The following ETV6 variants were observed in gnomAD, a reference collection of about 807,000 sequenced individuals.
ETV6 encodes ETS variant transcription factor 6.
Under a neutral mutation model 51.1 loss-of-function variants are expected in ETV6, and 16 were observed. The ratio of observed to expected loss-of-function variants is 0.31; its 90% CI spans 0.21 to 0.48. The LOEUF (loss-of-function observed/expected upper bound fraction) is 0.48. ETV6 is among the 20% of genes least tolerant of loss of function. The pLI is 0.99. For missense variants in ETV6, 458 were observed against 594.8 expected (o/e 0.77, Z 2.39); for synonymous variants, 240 against 224.1 (o/e 1.07, Z -0.64).
At chr12:11,767,041 G>T (rs900729182) in intron 2 of ETV6, among the ~76,000 whole-genome samples, 1 of 152,176 alleles carries the variant, frequency 6.6e-6, no homozygotes, top group East Asian at 1.9e-4. Flanking sequence ...TAATGGAACA[G>T]GCTAGGAGAA....
chr12:11,689,929 A>C (rs1306839248), intron 1 of ETV6, among the ~76,000 whole-genome samples: 1 of 151,574 alleles, frequency 6.6e-6, no homozygotes, highest in Non-Finnish European at 1.5e-5. Flanking sequence ...TTCTAGCAGA[A>C]GATAGAACTG....
chr12:11,697,335 A>C (rs1237219647), intron 1 of ETV6, among the ~76,000 whole-genome samples: 1 of 152,220 alleles, frequency 6.6e-6, no homozygotes, highest in Non-Finnish European at 1.5e-5. Context: ...GGAGGTACTT[A>C]GCAGAGGCTG....
At chr12:11,760,195 C>A (rs1229349040) in intron 2 of ETV6, among the ~76,000 whole-genome samples, 3 of 152,204 alleles carry the variant, frequency 2.0e-5, no homozygotes, top group African/African-American at 7.2e-5. Flanking sequence ...AGTCACACTG[C>A]CCCAATATTT....
intron 2 of ETV6, among the ~76,000 whole-genome samples, chr12:11,787,627 CAG>C (rs60740589): frequency 0.036 from 5,520 of 152,082 alleles, 329 homozygotes; most frequent in African/African-American, 0.12. Context: ...TAAGGTGGGT[CAG>C]AGAGGTTAGG....
At chr12:11,820,371 T>C (rs956844103) in intron 2 of ETV6, among the ~76,000 whole-genome samples, 2 of 152,120 alleles carry the variant, frequency 1.3e-5, no homozygotes, top group Non-Finnish European at 2.9e-5. Context: ...CAAACAAAGG[T>C]CCGTTCACAT....
At chr12:11,776,031 G>T (rs1362809210) in intron 2 of ETV6, among the ~76,000 whole-genome samples, 1 of 152,162 alleles carries the variant, frequency 6.6e-6, no homozygotes, top group Admixed American at 6.5e-5. Flanking sequence ...TGCTAATTGT[G>T]CTTGATGGTG....
chr12:11,688,182 G>C (rs1864673421), intron 1 of ETV6, among the ~76,000 whole-genome samples: 1 of 152,120 alleles, frequency 6.6e-6, no homozygotes, highest in African/African-American at 2.4e-5. Context: ...GATCGAAGTA[G>C]ATACCTTACG....
rs57067656 is a variant in ETV6, at chr12:11,687,398, C to T, written c.33+37238C>T. Among the ~76,000 whole-genome samples, 46 of 152,046 alleles carry T rather than the reference C, an allele frequency of 3.0e-4. 2 individuals carry two copies. The highest frequency in any genetic ancestry group is 1.7e-3 in the East Asian group (9 of 5,164). Reference sequence around the variant, plus strand: ...GTTTCACCATGTTGGCCAGGCTGGTCTCAAAACTCCTGAATTCAGATGATC... The same window carrying T: ...GTTTCACCATGTTGGCCAGGCTGGTTTCAAAACTCCTGAATTCAGATGATC... On this transcript the variant is annotated intron_variant, in intron 1 of 7. Coordinates refer to ENST00000396373, the MANE Select transcript of ETV6 (RefSeq NM_001987.5).
intron 1 of ETV6, among the ~76,000 whole-genome samples, chr12:11,676,931 G>A (rs1864431780): frequency 6.6e-6 from 1 of 152,258 alleles, no homozygotes; most frequent in African/African-American, 2.4e-5. Flanking sequence ...ACTATTAGCA[G>A]AGGGTAATGC....
intron 1 of ETV6, among the ~76,000 whole-genome samples, chr12:11,711,475 T>A (rs1865170516): frequency 6.6e-6 from 1 of 152,236 alleles, no homozygotes; most frequent in South Asian, 2.1e-4. Flanking sequence ...TGGAACATTT[T>A]CCTTCCTTTT....
intron 1 of ETV6, among the ~76,000 whole-genome samples, chr12:11,695,325 G>A (rs1009796267): frequency 3.3e-5 from 5 of 152,178 alleles, no homozygotes; most frequent in African/African-American, 1.2e-4. Context: ...AGAACACTGA[G>A]GAAAAGAAGG....
intron 1 of ETV6, among the ~76,000 whole-genome samples, chr12:11,654,148 C>T: frequency 6.6e-6 from 1 of 152,124 alleles, no homozygotes; most frequent in South Asian, 2.1e-4. Context: ...TTCTCAAAAA[C>T]TGCTTTTGTG....
chr12:11,802,335 G>A (rs1945763325), intron 2 of ETV6, among the ~76,000 whole-genome samples: 1 of 152,168 alleles, frequency 6.6e-6, no homozygotes, highest in Admixed American at 6.5e-5. Context: ...TAAATGGACT[G>A]CTTAGATTTA....
At chr12:11,822,026 G>A (rs1484647980) in intron 2 of ETV6, among the ~76,000 whole-genome samples, 1 of 152,326 alleles carries the variant, frequency 6.6e-6, no homozygotes, top group Admixed American at 6.5e-5. Context: ...AAAGCTGTTG[G>A]CCCATCCAGT....
chr12:11,815,459 G>A (rs965293904), intron 2 of ETV6, among the ~76,000 whole-genome samples: 1 of 152,216 alleles, frequency 6.6e-6, no homozygotes, highest in African/African-American at 2.4e-5. Context: ...GCAAGTTGGT[G>A]CATTAGACAA....
chr12:11,809,641 G>A (rs1380454809), intron 2 of ETV6, among the ~76,000 whole-genome samples: 1 of 152,004 alleles, frequency 6.6e-6, no homozygotes, highest in Non-Finnish European at 1.5e-5. Flanking sequence ...CTTTTTATTC[G>A]TAGTTTACTT....
rs753653540 is a variant in ETV6 at position 11,839,316 on chromosome 12, G to A, written c.328+12G>A. On this transcript the variant is annotated intron_variant, in intron 3 of 7. Coordinates refer to ENST00000396373, the MANE Select transcript of ETV6 (RefSeq NM_001987.5). ...ATCTCCTCATTCAGGTGAGAGTCTG[G>A]ACTCTTGGCATATGCCCAACTTGGA... 1 of 1,606,922 alleles carries A rather than the reference G, an allele frequency of 6.2e-7. No individual in the cohort carries two copies. Among genetic ancestry groups the A allele is most frequent in the Non-Finnish European group, 8.5e-7 (1 of 1,174,920 alleles).
intron 1 of ETV6, among the ~76,000 whole-genome samples, chr12:11,744,847 C>T (rs1052047928): frequency 1.3e-5 from 2 of 150,412 alleles, no homozygotes; most frequent in African/African-American, 4.9e-5. Context: ...CCTGACGTGA[C>T]AAGGAATCAC....
rs1418610681 is a variant in ETV6 at position 11,763,177 on chromosome 12, C to A, written c.163+10598C>A. The stretch of plus-strand genomic sequence containing the variant: ...ACGCCATTGTTCTTGAACTCCTCAG[C>A]TCCCACACTGACTCCTTTCACTTCT... On this transcript the variant is annotated intron_variant, in intron 2 of 7. Coordinates refer to ENST00000396373, the MANE Select transcript of ETV6 (RefSeq NM_001987.5). 2.0e-5 allele frequency among the ~76,000 whole-genome samples: 3 copies of A among 152,210 alleles called. No homozygotes were observed. The East Asian group carries it at 5.8e-4, about 29-fold the overall frequency.
Sources: allele counts gnomAD v4.1 joint callset (sites outside exome capture counted in the v4.1 genomes callset), GRCh38; gene constraint gnomAD v4.1.1; transcripts MANE v1.5; gene names NCBI Gene and HGNC (gene_info 2026-07-23, HGNC 2026-07-21).